FRMD6: variants seen among roughly 807,000 people sequenced by gnomAD.
The protein encoded by FRMD6 is FERM domain-containing protein 6.
In FRMD6, 37 loss-of-function variants were observed where a neutral mutation model predicts 73.2. The ratio of observed to expected loss-of-function variants is 0.51; its 90% confidence interval spans 0.39 to 0.66. FRMD6 has a LOEUF of 0.66. FRMD6 is among the 30% of genes least tolerant of loss of function. The pLI is 0.00. For missense variants in FRMD6, 714 were observed against 780.5 expected (o/e 0.91, Z 1.02); for synonymous variants, 273 against 282.2 (o/e 0.97, Z 0.33).
intron 4 of FRMD6, among the ~76,000 whole-genome samples, chr14:51,701,430 T>C (rs930719626): frequency 1.0e-3 from 147 of 146,096 alleles, no homozygotes; most frequent in African/African-American, 3.4e-3. Context: ...TGTATAGTAG[T>C]ATATATAGAA....
At chr14:51,474,233 T>C in the FRMD6 span, among the ~76,000 whole-genome samples, 1 of 152,238 alleles carries the variant, frequency 6.6e-6, no homozygotes, top group Admixed American at 6.5e-5. Flanking sequence ...GGTGCTTATT[T>C]GTCATCATTG....
intron 11 of FRMD6, 27 bp from the exon 12 acceptor site, chr14:51,721,922 A>G (rs745966249): frequency 6.2e-7 from 1 of 1,611,750 alleles, no homozygotes; most frequent in Non-Finnish European, 8.5e-7. Context: ...TTTTGTCATT[A>G]ACTATCTTTT....
chr14:51,616,976 C>T (rs891373269), intron 2 of FRMD6, among the ~76,000 whole-genome samples: 1 of 152,106 alleles, frequency 6.6e-6, no homozygotes, highest in Non-Finnish European at 1.5e-5. Flanking sequence ...TGAAACTCAC[C>T]TCATATGCCC....
chr14:51,443,996 T>C, the FRMD6 span, among the ~76,000 whole-genome samples: 1 of 150,160 alleles, frequency 6.7e-6, no homozygotes, highest in Admixed American at 6.7e-5. Context: ...TGGTGCAATC[T>C]TGGCTCACTG....
chr14:51,635,883 C>A (rs1213688713), intron 2 of FRMD6, among the ~76,000 whole-genome samples: 2 of 152,148 alleles, frequency 1.3e-5, no homozygotes, highest in African/African-American at 4.8e-5. Context: ...AAAAACACTC[C>A]TATTTTCCTG....
chr14:51,423,677 C>T, the FRMD6 span, among the ~76,000 whole-genome samples: 1 of 152,326 alleles, frequency 6.6e-6, no homozygotes, highest in African/African-American at 2.4e-5. Flanking sequence ...TGCAGCTTGT[C>T]CCTGTCATCT....
chr14:51,569,300 C>T (rs1431145911), intron 1 of FRMD6, among the ~76,000 whole-genome samples: 1 of 152,072 alleles, frequency 6.6e-6, no homozygotes, highest in African/African-American at 2.4e-5. Context: ...CAGACAACAG[C>T]CTTGCATTAG....
At chr14:51,590,109 A>G (rs1889307270) in intron 2 of FRMD6, among the ~76,000 whole-genome samples, 1 of 152,076 alleles carries the variant, frequency 6.6e-6, no homozygotes, top group East Asian at 1.9e-4. Flanking sequence ...AATTTTTTAA[A>G]AAGTTTTGTT....
chr14:51,684,540 G>T (rs970429945), intron 1 of FRMD6, among the ~76,000 whole-genome samples: 1 of 152,100 alleles, frequency 6.6e-6, no homozygotes, highest in Non-Finnish European at 1.5e-5. Flanking sequence ...GTAGCCCATA[G>T]TGTCTCTATA....
the FRMD6 span, chr14:51,437,102 A>T: frequency 2.9e-6 from 1 of 343,586 alleles, no homozygotes; most frequent in African/African-American, 2.2e-5. Flanking sequence ...CATCATTTAC[A>T]TTAGGTATTT....
At chr14:51,579,170 T>G (rs1471185497) in intron 2 of FRMD6, 1 of 152,168 alleles carries the variant, frequency 6.6e-6, no homozygotes, top group African/African-American at 2.4e-5. Context: ...AGTTGAGTTT[T>G]CATATTATAT....
intron 1 of FRMD6, among the ~76,000 whole-genome samples, chr14:51,528,029 C>T (rs1365143707): frequency 2.0e-5 from 3 of 152,166 alleles, no homozygotes; most frequent in Non-Finnish European, 4.4e-5. Flanking sequence ...GTGGTCCCAG[C>T]TACTCCAGAG....
At chr14:51,648,954 C>G (rs140896289), upstream of FRMD6, among the ~76,000 whole-genome samples, 1 of 152,252 alleles carries the variant, frequency 6.6e-6, no homozygotes, top group African/African-American at 2.4e-5. Flanking sequence ...AGAAAAACAT[C>G]TCATCATATT....
At chr14:51,633,686 T>C (rs1369154927) in intron 2 of FRMD6, among the ~76,000 whole-genome samples, 2 of 152,064 alleles carry the variant, frequency 1.3e-5, no homozygotes, top group Admixed American at 1.3e-4. Context: ...TGTTTTGTTT[T>C]AGAAACAAGA....
At chr14:51,607,015 A>T (rs1240034453) in intron 2 of FRMD6, among the ~76,000 whole-genome samples, 1 of 152,010 alleles carries the variant, frequency 6.6e-6, no homozygotes, top group African/African-American at 2.4e-5. Flanking sequence ...TTCTGTGTTT[A>T]TTCTGTCCGG....
At chr14:51,478,240 G>A in the FRMD6 span, among the ~76,000 whole-genome samples, 1 of 152,212 alleles carries the variant, frequency 6.6e-6, no homozygotes, top group African/African-American at 2.4e-5. Flanking sequence ...AACTGGCAAT[G>A]AGGAAATCCT....
the FRMD6 span, among the ~76,000 whole-genome samples, chr14:51,433,860 G>T: frequency 6.6e-6 from 1 of 152,194 alleles, no homozygotes; most frequent in South Asian, 2.1e-4. Context: ...GAACACAACA[G>T]TAAGAAAAGT....
At chr14:51,602,388 T>C (rs570238502) in intron 2 of FRMD6, among the ~76,000 whole-genome samples, 5 of 152,294 alleles carry the variant, frequency 3.3e-5, no homozygotes, top group African/African-American at 1.2e-4. Flanking sequence ...GAATGGATGA[T>C]TTGGAGCAAG....
intron 1 of FRMD6, chr14:51,570,221 G>T (rs1888058519): frequency 6.6e-6 from 1 of 152,196 alleles, no homozygotes; most frequent in African/African-American, 2.4e-5. Flanking sequence ...AATAAAAATG[G>T]TGGAGAAAAT....
Sources: allele counts gnomAD v4.1 joint callset (sites outside exome capture counted in the v4.1 genomes callset), GRCh38; gene constraint gnomAD v4.1.1; transcripts MANE v1.5; gene names NCBI Gene and HGNC (gene_info 2026-07-23, HGNC 2026-07-21).